The following RNF150 variants were observed in gnomAD, a reference collection of about 807,000 sequenced individuals.
The protein encoded by RNF150 is ring finger protein 150.
Under a neutral mutation model 39.3 loss-of-function variants are expected in RNF150, and 24 were observed. That is an observed-to-expected ratio of 0.61 (90% CI 0.44 to 0.86). The LOEUF (loss-of-function observed/expected upper bound fraction) is 0.86. Among genes scored for constraint, RNF150 ranks in the 40% least tolerant of loss-of-function variants. The pLI, the probability that RNF150 is intolerant of heterozygous loss-of-function variation, is 0.00. For synonymous variants in RNF150, 255 were observed against 227.3 expected (o/e 1.12, Z -1.10); for missense variants, 502 against 587.8 (o/e 0.85, Z 1.51).
chr4:141,064,747 C>T (rs80252304), intron 1 of RNF150, among the ~76,000 whole-genome samples: 2,535 of 152,174 alleles, frequency 0.017, 79 homozygotes, highest in African/African-American at 0.058. Flanking sequence ...GAGTAGGTAT[C>T]ACTGAAGGGA....
At chr4:141,093,759 ATT>A (rs1738680302) in intron 1 of RNF150, among the ~76,000 whole-genome samples, 1 of 152,200 alleles carries the variant, frequency 6.6e-6, no homozygotes, top group African/African-American at 2.4e-5. Context: ...ACTCAACCAA[ATT>A]CATTAAACAC....
At chr4:141,033,073 T>C (rs1736011687) in intron 1 of RNF150, among the ~76,000 whole-genome samples, 1 of 152,190 alleles carries the variant, frequency 6.6e-6, no homozygotes, top group Admixed American at 6.5e-5. Flanking sequence ...TGATTCTTCC[T>C]TTCACCAAAG....
chr4:141,117,659 G>C (rs1726471486), intron 1 of RNF150, among the ~76,000 whole-genome samples: 1 of 152,200 alleles, frequency 6.6e-6, no homozygotes, highest in African/African-American at 2.4e-5. Flanking sequence ...AGCAATGCAT[G>C]ACTATGTAAG....
intron 6 of RNF150, among the ~76,000 whole-genome samples, chr4:140,892,021 T>G (rs1251693879): frequency 2.6e-5 from 4 of 152,226 alleles, no homozygotes; most frequent in Non-Finnish European, 4.4e-5. Flanking sequence ...AACTGGTTCC[T>G]GGTGCCAAAA....
upstream of RNF150, among the ~76,000 whole-genome samples, chr4:141,135,667 C>G (rs942759619): frequency 6.6e-6 from 1 of 152,260 alleles, no homozygotes; most frequent in Admixed American, 6.5e-5. Context: ...TAGAAAGTCA[C>G]CATTTGACAA....
chr4:141,063,958 C>T (rs1341695373), intron 1 of RNF150, among the ~76,000 whole-genome samples: 1 of 134,376 alleles, frequency 7.4e-6, no homozygotes, highest in Admixed American at 8.1e-5. Flanking sequence ...CTATAAGAAC[C>T]ATTTTGTAAT....
At chr4:141,017,637 G>A (rs552236109) in intron 1 of RNF150, among the ~76,000 whole-genome samples, 3 of 152,070 alleles carry the variant, frequency 2.0e-5, no homozygotes, top group African/African-American at 7.2e-5. Context: ...AAGATCCTTT[G>A]CCCTCTATTT....
intron 1 of RNF150, among the ~76,000 whole-genome samples, chr4:141,052,402 G>A (rs1736809318): frequency 6.6e-6 from 1 of 152,068 alleles, no homozygotes; most frequent in South Asian, 2.1e-4. Context: ...TTGAGATGGA[G>A]GCTCACTCTG....
At chr4:141,047,365 T>G (rs2110878697) in intron 1 of RNF150, among the ~76,000 whole-genome samples, 1 of 152,296 alleles carries the variant, frequency 6.6e-6, no homozygotes, top group Middle Eastern at 3.4e-3. Flanking sequence ...GATTTCCATT[T>G]GCAGCTGAGA....
chr4:141,200,112 TA>T (rs1728267521), intron 1 of RNF150, among the ~76,000 whole-genome samples: 1 of 152,194 alleles, frequency 6.6e-6, no homozygotes, highest in Non-Finnish European at 1.5e-5. Flanking sequence ...GGAGACTGAA[TA>T]GCTTATATAA....
intron 1 of RNF150, among the ~76,000 whole-genome samples, chr4:141,187,673 C>T (rs968651726): frequency 7.2e-5 from 11 of 152,100 alleles, no homozygotes; most frequent in African/African-American, 2.7e-4. Flanking sequence ...AGGATTGCAA[C>T]CCCTGCTTTT....
Position 141,109,412 on chromosome 4 carries a change from A to G in RNF150, c.484+22913T>C, listed in dbSNP as rs370930526. ...AGAAATAAGGAATTATCCTGCCTTC[A>G]TATCATTTTAAGTATAATGGGCAAT... is the stretch of plus-strand genomic sequence containing the variant. On this transcript the variant is annotated intron_variant, in intron 1 of 6. Transcript: ENST00000515673. 9.2e-5 allele frequency among the ~76,000 whole-genome samples: 14 copies of G among 152,130 alleles called. 1 individual carries two copies. The South Asian group carries it at 2.9e-3, about 32-fold the overall frequency.
At position 140,868,158 on chromosome 4, in the gene RNF150, C is replaced by T. The variant is rs1728786448; in HGVS notation, c.*103G>A. 1.4e-6 allele frequency: 1 copy of T among 717,512 alleles called. No homozygotes were observed. Among genetic ancestry groups the T allele is most frequent in the African/African-American group, 1.8e-5 (1 of 56,388 alleles). 44.4% of individuals were successfully genotyped at this position (717,512 alleles called of 1,614,324 possible). A position where few individuals can be genotyped will look rare whatever the true frequency, so the allele number is the denominator to read the frequency against. ...CTTGAACGGAGCGCCCTGGAGTTGC[C>T]AAGGTGATCTGGAGGTGTGTGTGTG... On this transcript the variant is annotated 3_prime_UTR_variant, in exon 7 of 7. Transcript: ENST00000515673.
chr4:141,006,955 G>GA (rs1734892438), intron 1 of RNF150, among the ~76,000 whole-genome samples: 1 of 152,152 alleles, frequency 6.6e-6, no homozygotes, highest in Non-Finnish European at 1.5e-5. Flanking sequence ...ATATCTGTAA[G>GA]AAAACTACAC....
chr4:141,208,112 G>A (rs1012891622), intron 1 of RNF150, among the ~76,000 whole-genome samples: 8 of 152,218 alleles, frequency 5.3e-5, no homozygotes, highest in African/African-American at 1.9e-4. Context: ...GGAAGCCACT[G>A]GTAAAATTTC....
intron 1 of RNF150, among the ~76,000 whole-genome samples, chr4:141,090,992 CT>C (rs1357490627): frequency 1.3e-5 from 2 of 152,180 alleles, no homozygotes; most frequent in Non-Finnish European, 1.5e-5. Context: ...GAAAGCTCCA[CT>C]CTATTCTACT....
Position 141,031,348 on chromosome 4 carries a change from A to AT in RNF150, c.485-63476dup, listed in dbSNP as rs200740180. On this transcript the variant is annotated intron_variant, in intron 1 of 6. Transcript: ENST00000515673. ...AACTTCATGACACTGGTCTGGGCAA[A>AT]TTTTTTTTGGGTAAGAGCTAAAAAA... is the stretch of plus-strand genomic sequence containing the variant. Among the ~76,000 whole-genome samples, 132 of 152,016 alleles carry AT rather than the reference A, an allele frequency of 8.7e-4. 2 individuals carry two copies. The East Asian group carries it at 0.017, about 20-fold the overall frequency.
At chr4:141,193,277 A>T (rs1276374532) in intron 1 of RNF150, among the ~76,000 whole-genome samples, 1 of 152,232 alleles carries the variant, frequency 6.6e-6, no homozygotes, top group African/African-American at 2.4e-5. Context: ...AATGATGGAC[A>T]CATCTGTTTG....
chr4:141,078,368 G>T lies in RNF150; in HGVS notation c.484+53957C>A, dbSNP rs188379874. ...TGAAACGGTGTACTGGGGGAGGAGT[G>T]GGGCTCCATTTACATGCTTCTCTGT... On this transcript the variant is annotated intron_variant, in intron 1 of 6. Coordinates refer to ENST00000515673, the MANE Select transcript of RNF150 (RefSeq NM_020724.2). 1.5e-3 allele frequency among the ~76,000 whole-genome samples: 233 copies of T among 152,248 alleles called. 2 individuals are homozygous for T. The highest frequency in any genetic ancestry group is 5.1e-3 in the African/African-American group (212 of 41,544).
Sources: allele counts gnomAD v4.1 joint callset (sites outside exome capture counted in the v4.1 genomes callset), GRCh38; gene constraint gnomAD v4.1.1; transcripts MANE v1.5; gene names NCBI Gene and HGNC (gene_info 2026-07-23, HGNC 2026-07-21).